The following RBFOX1 variants were observed in gnomAD, a reference collection of about 807,000 sequenced individuals.
The protein encoded by RBFOX1 is RNA binding fox-1 homolog 1.
A neutral mutation model predicts 57.7 loss-of-function variants in RBFOX1; 8 were observed. That is an observed-to-expected ratio of 0.14 (90% CI 0.08 to 0.25). RBFOX1 has a LOEUF of 0.25. RBFOX1 is among the 10% of genes least tolerant of loss of function. RBFOX1 has a pLI of 1.00. For missense variants in RBFOX1, 611 were observed against 548.5 expected (o/e 1.11, Z -1.14); for synonymous variants, 326 against 222.4 (o/e 1.47, Z -4.15).
At chr16:6,979,383 T>C (rs947881577) in intron 3 of RBFOX1, among the ~76,000 whole-genome samples, 1 of 54,440 alleles carries the variant, frequency 1.8e-5, no homozygotes, top group Non-Finnish European at 3.4e-5. Flanking sequence ...ACCTGAGCAC[T>C]TTCCATTGTG....
chr16:6,296,211 A>G (rs2078083684), intron 1 of RBFOX1, among the ~76,000 whole-genome samples: 1 of 152,156 alleles, frequency 6.6e-6, no homozygotes, highest in Non-Finnish European at 1.5e-5. Context: ...CATTCCCCAG[A>G]CACTGCTTAT....
intron 2 of RBFOX1, among the ~76,000 whole-genome samples, chr16:6,521,211 G>C (rs534529280): frequency 6.6e-6 from 1 of 152,152 alleles, no homozygotes; most frequent in East Asian, 1.9e-4. Context: ...ATAGCAAATA[G>C]ACATTATGAC....
chr16:6,593,800 G>A (rs575162831), intron 2 of RBFOX1, among the ~76,000 whole-genome samples: 1 of 152,186 alleles, frequency 6.6e-6, no homozygotes, highest in Non-Finnish European at 1.5e-5. Flanking sequence ...ATTAGCATAT[G>A]TCAGATTTTC....
intron 2 of RBFOX1, among the ~76,000 whole-genome samples, chr16:6,508,213 G>C (rs1012004981): frequency 6.6e-6 from 1 of 152,102 alleles, no homozygotes; most frequent in Non-Finnish European, 1.5e-5. Context: ...GGGCCTTTTG[G>C]AGGGTGGAAG....
intron 1 of RBFOX1, among the ~76,000 whole-genome samples, chr16:6,249,368 T>C (rs2097588800): frequency 6.6e-6 from 1 of 151,996 alleles, no homozygotes; most frequent in Non-Finnish European, 1.5e-5. Flanking sequence ...CTATTAATAA[T>C]ACAAAAATTA....
At chr16:7,509,426 G>GTGTCTGTGTC (rs1555531505) in intron 4 of RBFOX1, among the ~76,000 whole-genome samples, 96 of 146,488 alleles carry the variant, frequency 6.6e-4, no homozygotes, top group African/African-American at 2.1e-3. Context: ...GTGTGTGTGT[G>GTGTCTGTGTC]TGTGTCTGTG....
rs144895752 is a variant in RBFOX1, at chr16:7,074,367, C to T, written c.27+22269C>T. Among the ~76,000 whole-genome samples the T allele has an allele frequency of 6.3e-3, 965 of 152,156 alleles. 3 individuals are homozygous for T. Among genetic ancestry groups the T allele is most frequent in the Non-Finnish European group, 0.011 (744 of 68,016 alleles). ...ATGCAAAAGTAATTACGGCTTTTGC[C>T]ATTAAAATGATAATAATTAAAATAA... is the stretch of plus-strand genomic sequence containing the variant. On this transcript the variant is annotated intron_variant, in intron 4 of 15. Transcript: ENST00000550418.
chr16:7,119,107 G>A (rs2066543941), intron 4 of RBFOX1, among the ~76,000 whole-genome samples: 1 of 152,126 alleles, frequency 6.6e-6, no homozygotes, highest in African/African-American at 2.4e-5. Flanking sequence ...GCGGAATCTA[G>A]GCAAGTGTTG....
chr16:5,678,055 A>G (rs962444741), intron 3 of RBFOX1, among the ~76,000 whole-genome samples: 4 of 152,132 alleles, frequency 2.6e-5, no homozygotes, highest in Non-Finnish European at 4.4e-5. Flanking sequence ...GGGATTCACT[A>G]TTGTGTTGGT....
chr16:6,055,590 C>CAA (rs35872547), intron 1 of RBFOX1, among the ~76,000 whole-genome samples: 2,604 of 64,796 alleles, frequency 0.04, 152 homozygotes, highest in Non-Finnish European at 0.051. Context: ...GAGACTCCGT[C>CAA]AAAAAAAAAA....
intron 2 of RBFOX1, among the ~76,000 whole-genome samples, chr16:6,326,265 C>T (rs913377563): frequency 2.6e-5 from 4 of 152,116 alleles, no homozygotes; most frequent in African/African-American, 9.7e-5. Flanking sequence ...ATTTTGGATT[C>T]TCGCTAGGTA....
intron 1 of RBFOX1, among the ~76,000 whole-genome samples, chr16:5,257,488 C>A (rs185999390): frequency 1.5e-4 from 23 of 152,204 alleles, no homozygotes; most frequent in Admixed American, 1.3e-4. Context: ...TTTCCTTGTT[C>A]TGCCTCTCTC....
chr16:7,600,586 C>A (rs2094959413), intron 9 of RBFOX1, among the ~76,000 whole-genome samples: 2 of 152,150 alleles, frequency 1.3e-5, no homozygotes, highest in South Asian at 2.1e-4. Flanking sequence ...CTACATAATT[C>A]ATTCTCACAA....
At chr16:7,081,268 C>A (rs576463227) in intron 4 of RBFOX1, among the ~76,000 whole-genome samples, 1 of 152,332 alleles carries the variant, frequency 6.6e-6, no homozygotes, top group African/African-American at 2.4e-5. Flanking sequence ...CTGCTGACCT[C>A]AAGTGATCCA....
chr16:7,706,531 C>A (rs897412257), intron 14 of RBFOX1, among the ~76,000 whole-genome samples: 1 of 152,156 alleles, frequency 6.6e-6, no homozygotes, highest in South Asian at 2.1e-4. Context: ...TATAGTGTCT[C>A]CCCAGAAGAG....
chr16:6,495,056 G>A (rs893102650), intron 2 of RBFOX1, among the ~76,000 whole-genome samples: 2 of 152,084 alleles, frequency 1.3e-5, no homozygotes, highest in African/African-American at 2.4e-5. Context: ...AGAGGTAGTC[G>A]GTCTGGCTGG....
At chr16:6,087,900 C>G (rs537566662) in intron 1 of RBFOX1, among the ~76,000 whole-genome samples, 1 of 152,300 alleles carries the variant, frequency 6.6e-6, no homozygotes, top group East Asian at 1.9e-4. Context: ...ATCCACCTGC[C>G]TCGGCCTCCC....
At chr16:6,194,671 T>C (rs1393196569) in intron 1 of RBFOX1, among the ~76,000 whole-genome samples, 1 of 152,204 alleles carries the variant, frequency 6.6e-6, no homozygotes, top group African/African-American at 2.4e-5. Context: ...CCACTGGCTC[T>C]TTGTCTCATT....
chr16:7,160,115 A>T (rs2077990491), intron 4 of RBFOX1, among the ~76,000 whole-genome samples: 1 of 152,098 alleles, frequency 6.6e-6, no homozygotes, highest in Admixed American at 6.6e-5. Flanking sequence ...ACAACAGAAT[A>T]TTATCCCTTT....
Sources: gnomAD v4.1 joint callset for allele counts (sites outside exome capture counted in the v4.1 genomes callset) on GRCh38, gnomAD v4.1.1 for gene constraint, MANE v1.5 for transcripts, NCBI Gene and HGNC (gene_info 2026-07-23, HGNC 2026-07-21) for gene names.